CDH13: variants seen among roughly 807,000 people sequenced by gnomAD.
The protein encoded by CDH13 is cadherin-13.
CDH13 carries 24 observed loss-of-function variants against 63.8 expected under a neutral mutation model. That is an observed-to-expected ratio of 0.38 (90% CI 0.27 to 0.53). The LOEUF is 0.53. CDH13 is among the 20% of genes least tolerant of loss of function. The pLI, the probability that CDH13 is intolerant of heterozygous loss-of-function variation, is 0.85. For synonymous variants in CDH13, 503 were observed against 355.3 expected, an observed-to-expected ratio of 1.42 and a Z score of -4.67; for missense variants, 1,049 against 903.1, an observed-to-expected ratio of 1.16 and a Z score of -2.07.
chr16:83,086,221 A>G (rs1293253393), intron 3 of CDH13, among the ~76,000 whole-genome samples: 1 of 152,248 alleles, frequency 6.6e-6, no homozygotes, highest in Non-Finnish European at 1.5e-5. Flanking sequence ...CAGAGTCTTG[A>G]GACTACAAAA....
Position 83,110,427 on chromosome 16 carries a change from G to C in CDH13, c.367-14958G>C, listed in dbSNP as rs114052527. Among the ~76,000 whole-genome samples the C allele has an allele frequency of 4.4e-3, 676 of 152,330 alleles. 6 individuals carry two copies. The highest frequency in any genetic ancestry group is 0.016 in the African/African-American group (645 of 41,572). ...GATTTAACAAGGGATTTTATGCCTT[G>C]CAATGCGGAAGAGCACTGGGGAAAG... On this transcript the variant is annotated intron_variant, in intron 3 of 13. Transcript: ENST00000567109.
At chr16:82,658,918 G>T (rs959792004) in intron 1 of CDH13, among the ~76,000 whole-genome samples, 1 of 152,162 alleles carries the variant, frequency 6.6e-6, no homozygotes, top group South Asian at 2.1e-4. Flanking sequence ...CCCTAAAGAA[G>T]GTTCTCAAGG....
At chr16:82,812,457 G>C (rs2037496051) in intron 1 of CDH13, among the ~76,000 whole-genome samples, 3 of 152,138 alleles carry the variant, frequency 2.0e-5, no homozygotes, top group African/African-American at 7.2e-5. Context: ...TTTGGAGGGA[G>C]CAGCCACAAA....
At chr16:83,336,106 G>A (rs1026616147) in intron 5 of CDH13, among the ~76,000 whole-genome samples, 18 of 151,952 alleles carry the variant, frequency 1.2e-4, no homozygotes, top group South Asian at 8.3e-4. Context: ...TTCGAGACCC[G>A]CCTGACCAAT....
chr16:82,651,853 G>T (rs779909000), intron 1 of CDH13, among the ~76,000 whole-genome samples: 1 of 152,182 alleles, frequency 6.6e-6, no homozygotes, highest in Non-Finnish European at 1.5e-5. Context: ...TTGGACCTTG[G>T]GATTTAGGAC....
chr16:82,914,130 C>A (rs1597203526), intron 2 of CDH13, among the ~76,000 whole-genome samples: 1 of 152,126 alleles, frequency 6.6e-6, no homozygotes, highest in African/African-American at 2.4e-5. Context: ...CTCCTTTCTT[C>A]TAGCGATCTG....
chr16:82,659,138 C>T (rs1911639217), intron 1 of CDH13, among the ~76,000 whole-genome samples: 1 of 152,162 alleles, frequency 6.6e-6, no homozygotes, highest in African/African-American at 2.4e-5. Context: ...CTGCTGGTTC[C>T]CAATAGTTGA....
intron 2 of CDH13, among the ~76,000 whole-genome samples, chr16:82,970,318 C>T (rs1908525214): frequency 6.6e-6 from 1 of 151,266 alleles, no homozygotes; most frequent in Admixed American, 6.6e-5. Context: ...TTTCTTTATC[C>T]AGTCTATCAT....
intron 3 of CDH13, among the ~76,000 whole-genome samples, chr16:83,059,798 T>TTG (rs1344429189): frequency 4.8e-5 from 7 of 146,662 alleles, no homozygotes; most frequent in African/African-American, 1.8e-4. Context: ...TGTTTGTTTT[T>TTG]TTTTTTTTTT....
chr16:83,021,321 T>G (rs1029888631), intron 2 of CDH13, among the ~76,000 whole-genome samples: 1 of 152,192 alleles, frequency 6.6e-6, no homozygotes, highest in African/African-American at 2.4e-5. Context: ...ATAAAGTAAT[T>G]CCAATTTGAA....
chr16:83,578,923 C>G (rs887741808), intron 7 of CDH13, among the ~76,000 whole-genome samples: 3 of 152,208 alleles, frequency 2.0e-5, no homozygotes, highest in African/African-American at 7.2e-5. Flanking sequence ...TACCTAAAGT[C>G]CTATGTGCAG....
chr16:83,482,849 G>C (rs1248845674), intron 6 of CDH13, among the ~76,000 whole-genome samples: 1 of 152,224 alleles, frequency 6.6e-6, no homozygotes, highest in African/African-American at 2.4e-5. Context: ...CGGTGAGAGA[G>C]AGGGCTGTCC....
At chr16:83,532,936 C>T (rs897722612) in intron 7 of CDH13, among the ~76,000 whole-genome samples, 1 of 152,194 alleles carries the variant, frequency 6.6e-6, no homozygotes, top group Non-Finnish European at 1.5e-5. Flanking sequence ...CTTGTTAGTT[C>T]CCAGTCCTTC....
intron 1 of CDH13, among the ~76,000 whole-genome samples, chr16:82,833,378 A>G (rs1597739289): frequency 6.6e-6 from 1 of 152,202 alleles, no homozygotes; most frequent in South Asian, 2.1e-4. Context: ...CCTCTGTGGA[A>G]GTTGCATAGA....
intron 3 of CDH13, among the ~76,000 whole-genome samples, chr16:83,069,490 T>C (rs2032278439): frequency 6.6e-6 from 1 of 152,222 alleles, no homozygotes; most frequent in East Asian, 1.9e-4. Flanking sequence ...GAAATTGTTA[T>C]TGTCATTCTT....
At chr16:83,370,256 C>T (rs977622530) in intron 6 of CDH13, among the ~76,000 whole-genome samples, 3 of 151,964 alleles carry the variant, frequency 2.0e-5, no homozygotes, top group Non-Finnish European at 2.9e-5. Context: ...GGTGCGGTGG[C>T]GGGCGGCTAT....
chr16:83,324,647 AC>A (rs2090319360), intron 5 of CDH13, among the ~76,000 whole-genome samples: 1 of 152,306 alleles, frequency 6.6e-6, no homozygotes, highest in East Asian at 1.9e-4. Context: ...TCATTCATTC[AC>A]TGATGGACAG....
chr16:83,709,692 T>C (rs904336446), intron 10 of CDH13, among the ~76,000 whole-genome samples: 15 of 152,220 alleles, frequency 9.9e-5, no homozygotes, highest in African/African-American at 3.6e-4. Flanking sequence ...TCATGCATGA[T>C]GGTAGGAGAA....
At chr16:83,202,384 G>A (rs1374012340) in intron 4 of CDH13, among the ~76,000 whole-genome samples, 1 of 152,084 alleles carries the variant, frequency 6.6e-6, no homozygotes, top group Non-Finnish European at 1.5e-5. Context: ...TTTCCTGAGG[G>A]GACTTGAATT....
Sources: allele counts gnomAD v4.1 joint callset (sites outside exome capture counted in the v4.1 genomes callset), GRCh38; gene constraint gnomAD v4.1.1; transcripts MANE v1.5; gene names NCBI Gene and HGNC (gene_info 2026-07-23, HGNC 2026-07-21).